Variants in FBRSL1 observed in about 807,000 individuals in gnomAD.
FBRSL1 encodes the protein fibrosin-1-like protein.
FBRSL1 carries 51 observed loss-of-function variants against 89.6 expected under a neutral mutation model. That is an observed-to-expected ratio of 0.57 (90% CI 0.45 to 0.72). The LOEUF (loss-of-function observed/expected upper bound fraction) is 0.72. Ranked by LOEUF, FBRSL1 falls within the 30% of genes least tolerant of loss-of-function variation. The probability of loss-of-function intolerance (pLI) is 0.00; values close to 1 mark genes in which losing one functional copy is unlikely to be tolerated. For synonymous variants in FBRSL1, 779 were observed against 681.1 expected (o/e 1.14, Z -2.24); for missense variants, 1,618 against 1,451.8 (o/e 1.11, Z -1.86).
intron 15 of FBRSL1, among the ~76,000 whole-genome samples, chr12:132,577,938 C>T (rs371851168): frequency 5.2e-4 from 79 of 152,248 alleles, no homozygotes; most frequent in African/African-American, 1.9e-3. Flanking sequence ...TCCACATCCA[C>T]GCGTGTACGC....
At chr12:132,514,139 G>A (rs560571719) in intron 2 of FBRSL1, among the ~76,000 whole-genome samples, 1 of 152,188 alleles carries the variant, frequency 6.6e-6, no homozygotes, top group African/African-American at 2.4e-5. Context: ...GTCAGGGCTC[G>A]GCTCCTCCGT....
chr12:132,571,171 C>T lies in FBRSL1; in HGVS notation c.1317C>T (p.Pro439=). Residue 439 remains proline (P), a synonymous_variant, in exon 9 of 19, where the codon CCC becomes CCT. Coordinates refer to ENST00000680143, the MANE Select transcript of FBRSL1 (RefSeq NM_001367871.1). ...CACAGGCTCCTCTCTTACCTGCACC[C>T]CTGGGCCCGCACGTGGCGAGCGGCC... ...TWSQAPLLPA[P]LGPHVASGHP... The T allele has an allele frequency of 7.0e-7, 1 of 1,425,798 alleles. No homozygotes were observed. Among genetic ancestry groups the T allele is most frequent in the Non-Finnish European group, 9.2e-7 (1 of 1,090,164 alleles). The allele number at this position is 1,425,798 out of a possible 1,614,324, so 88.3% of individuals were successfully genotyped here. A position where few individuals can be genotyped will look rare whatever the true frequency, so the allele number is the denominator to read the frequency against.
intron 1 of FBRSL1, among the ~76,000 whole-genome samples, chr12:132,498,635 T>C (rs1324618296): frequency 6.6e-6 from 1 of 152,164 alleles, no homozygotes; most frequent in African/African-American, 2.4e-5. Context: ...CTGGGAGCTT[T>C]GGGAGGTGCC....
intron 4 of FBRSL1, among the ~76,000 whole-genome samples, chr12:132,539,523 C>T (rs2037051898): frequency 2.0e-5 from 2 of 98,766 alleles, no homozygotes; most frequent in Non-Finnish European, 3.9e-5. Context: ...TGCCCTCCAG[C>T]CCCGTGCCCA....
At chr12:132,582,836 G>A (rs1465327337) in intron 18 of FBRSL1, 135 bp from the exon 19 acceptor site, 2 of 636,130 alleles carry the variant, frequency 3.1e-6, no homozygotes, top group Non-Finnish European at 4.7e-6. Context: ...GTGGGGGTGC[G>A]GGAGCTGTGG....
At chr12:132,514,033 G>C (rs2136695062) in intron 2 of FBRSL1, among the ~76,000 whole-genome samples, 1 of 152,318 alleles carries the variant, frequency 6.6e-6, no homozygotes, top group South Asian at 2.1e-4. Context: ...GCCCTGCCCT[G>C]CGTGTTGGAA....
intron 1 of FBRSL1, among the ~76,000 whole-genome samples, chr12:132,507,868 T>C (rs1422060320): frequency 6.6e-6 from 1 of 152,130 alleles, no homozygotes; most frequent in African/African-American, 2.4e-5. Context: ...GCTGGCCTCC[T>C]GTGAAGCTTA....
At chr12:132,572,962 G>A (rs1027382067) in intron 11 of FBRSL1, among the ~76,000 whole-genome samples, 1 of 152,208 alleles carries the variant, frequency 6.6e-6, no homozygotes, top group African/African-American at 2.4e-5. Context: ...CGTCCTTACC[G>A]CAAGGAGGTT....
At chr12:132,560,072 C>T (rs1408987999) in intron 5 of FBRSL1, 4 of 151,092 alleles carry the variant, frequency 2.6e-5, no homozygotes, top group Non-Finnish European at 5.9e-5. Flanking sequence ...GCGCGGCGGA[C>T]ATGCGCGTCC....
intron 5 of FBRSL1, among the ~76,000 whole-genome samples, chr12:132,557,872 AC>A: frequency 6.6e-6 from 1 of 152,316 alleles, no homozygotes; most frequent in Non-Finnish European, 1.5e-5. Context: ...TGATGGCAGC[AC>A]AGCTTCTCAG....
chr12:132,541,961 G>C (rs1414782580), intron 4 of FBRSL1, among the ~76,000 whole-genome samples: 1 of 152,188 alleles, frequency 6.6e-6, no homozygotes, highest in Non-Finnish European at 1.5e-5. Flanking sequence ...GACAGAATAG[G>C]TGAAGCAGCC....
chr12:132,564,861 C>T (rs901883095), intron 5 of FBRSL1, among the ~76,000 whole-genome samples: 6 of 151,736 alleles, frequency 4.0e-5, no homozygotes, highest in African/African-American at 7.3e-5. Context: ...GATCTGCTGA[C>T]CTCGTGATCC....
chr12:132,523,579 C>T (rs1024981621), intron 2 of FBRSL1, among the ~76,000 whole-genome samples: 2 of 152,208 alleles, frequency 1.3e-5, no homozygotes, highest in African/African-American at 4.8e-5. Flanking sequence ...ACCCACCTCC[C>T]TTCCCATCGG....
In FBRSL1 at chr12:132,572,609, C is replaced by T; in HGVS notation, c.1517C>T (p.Ala506Val). The T allele has an allele frequency of 6.4e-7, 1 of 1,550,452 alleles. No homozygotes were observed. The highest frequency in any genetic ancestry group is 8.7e-7 in the Non-Finnish European group (1 of 1,146,650). ...HPGPFGSLQG[A>V]FQPKTSSPIE... Reference sequence around the variant, plus strand: ...GGCCCCTTCGGGTCCCTGCAGGGCGCTTTTCAGCCTAAGGTACCGCTGCCC... The same window carrying T: ...GGCCCCTTCGGGTCCCTGCAGGGCGTTTTTCAGCCTAAGGTACCGCTGCCC... The change falls in exon 11 of 19, where the codon GCT (alanine) becomes GTT (valine). Residue 506 changes from alanine (A) to valine (V), a missense_variant. Transcript: ENST00000680143.
At chr12:132,581,918 CCCT>C (rs1452091838) in intron 17 of FBRSL1, 94 bp downstream of exon 17, 4 of 1,349,256 alleles carry the variant, frequency 3.0e-6, no homozygotes, top group African/African-American at 2.9e-5. Flanking sequence ...TGGCTGACCT[CCCT>C]CCTCTCTGGG....
At chr12:132,573,335 G>GGGCTC (rs1165966765) in intron 11 of FBRSL1, among the ~76,000 whole-genome samples, 1 of 152,184 alleles carries the variant, frequency 6.6e-6, no homozygotes, top group Non-Finnish European at 1.5e-5. Context: ...ACGCACCCCT[G>GGGCTC]GGCTCCCCTG....
At chr12:132,493,954 T>G (rs1200361339) in intron 1 of FBRSL1, among the ~76,000 whole-genome samples, 2 of 147,128 alleles carry the variant, frequency 1.4e-5, no homozygotes, top group Non-Finnish European at 3.0e-5. Context: ...AATGATTAAC[T>G]GCCCATAGAG....
intron 5 of FBRSL1, among the ~76,000 whole-genome samples, chr12:132,562,780 C>T (rs1479064277): frequency 6.6e-6 from 1 of 152,210 alleles, no homozygotes; most frequent in Non-Finnish European, 1.5e-5. Context: ...TGCCATCTTA[C>T]AGGCATGGAC....
chr12:132,490,562 C>T lies in FBRSL1; in HGVS notation c.-9C>T, dbSNP rs1313269448. Reference sequence around the variant, plus strand: ...AAGGTCACCGGCCCGACGGGGCGCACGCGCGGCCATGGAGGCCAAGGTCCG... The same window carrying T: ...AAGGTCACCGGCCCGACGGGGCGCATGCGCGGCCATGGAGGCCAAGGTCCG... On this transcript the variant is annotated 5_prime_UTR_variant, in exon 1 of 19. It adds an upstream start codon to the 5' untranslated region. Coordinates refer to ENST00000680143, the MANE Select transcript of FBRSL1 (RefSeq NM_001367871.1). 2.0e-6 allele frequency: 2 copies of T among 981,526 alleles called. No individual in the cohort carries two copies. The highest frequency in any genetic ancestry group is 3.5e-5 in the African/African-American group (2 of 56,722). The allele number at this position is 981,526 out of a possible 1,614,324, so 60.8% of individuals were successfully genotyped here. A position where few individuals can be genotyped will look rare whatever the true frequency, so the allele number is the denominator to read the frequency against.
Sources: allele counts gnomAD v4.1 joint callset (sites outside exome capture counted in the v4.1 genomes callset), GRCh38; gene constraint gnomAD v4.1.1; transcripts MANE v1.5; gene names NCBI Gene and HGNC (gene_info 2026-07-23, HGNC 2026-07-21).